CA6: variants seen among roughly 807,000 people sequenced by gnomAD.
The protein encoded by CA6 is carbonate dehydratase VI.
CA6 carries 28 observed loss-of-function variants against 35.9 expected under a neutral mutation model. The ratio of observed to expected loss-of-function variants is 0.78; its 90% CI spans 0.58 to 1.07. CA6 has a LOEUF of 1.07. Ranked by LOEUF, CA6 falls within the 50% of genes least tolerant of loss-of-function variation. The pLI, the probability that CA6 is intolerant of heterozygous loss-of-function variation, is 0.00. For missense variants in CA6, 377 were observed against 382.0 expected, an observed-to-expected ratio of 0.99 and a Z score of 0.11; for synonymous variants, 148 against 152.6, an observed-to-expected ratio of 0.97 and a Z score of 0.22.
At position 8,963,175 on chromosome 1, in the gene CA6, C is replaced by G. The variant is rs1287016330; in HGVS notation, c.571+519C>G. On this transcript the variant is annotated intron_variant, in intron 5 of 7. Coordinates refer to ENST00000377443, the MANE Select transcript of CA6 (RefSeq NM_001215.4). The surrounding 1 kb of genome is among the most constrained non-coding windows in gnomAD (Gnocchi z 4.1). Reference sequence around the variant, plus strand: ...TATAACCACAATAGCTCTGCATCCTCGACTTCACACGTCCCATTCCGGCCA... The same window carrying G: ...TATAACCACAATAGCTCTGCATCCTGGACTTCACACGTCCCATTCCGGCCA... 6.6e-6 allele frequency among the ~76,000 whole-genome samples: 1 copy of G among 152,176 alleles called. No homozygotes were observed. The highest frequency in any genetic ancestry group is 1.5e-5 in the Non-Finnish European group (1 of 68,034).
At chr1:8,967,565 GA>G in intron 5 of CA6, 93 bp from the exon 6 acceptor site, 5 of 957,504 alleles carry the variant, frequency 5.2e-6, no homozygotes, top group Non-Finnish European at 6.4e-6. Flanking sequence ...CTGAACTCAA[GA>G]GATTGGAACC....
chr1:8,951,705 G>T (rs1639541399), intron 2 of CA6: 1 of 761,036 alleles, frequency 1.3e-6, no homozygotes, highest in South Asian at 1.3e-5. Context: ...TTCCTTTAGG[G>T]CTCTGCTCAA....
chr1:8,973,772 CTTTCTTTCT>C (rs1640187608), intron 7 of CA6, among the ~76,000 whole-genome samples: 2 of 20,000 alleles, frequency 1.0e-4, no homozygotes, highest in Non-Finnish European at 1.6e-4. Flanking sequence ...TTCTTTCTTT[CTTTCTTTCT>C]TTCTTTTCCC....
In CA6 at chr1:8,959,931, C is replaced by CAAAAA. The variant is rs373250863; in HGVS notation, c.501+944_501+948dup. ...TGGGCAATAAAGCTAGATTCTATCTCAAAAAAAAAAAAAAAAAAAGCTGGG... is the reference window on the plus strand; with the variant it reads ...TGGGCAATAAAGCTAGATTCTATCTCAAAAAAAAAAAAAAAAAAAAAAAAGCTGGG... On this transcript the variant is annotated intron_variant, in intron 4 of 7. Coordinates refer to ENST00000377443, the MANE Select transcript of CA6 (RefSeq NM_001215.4). 4.1e-4 allele frequency among the ~76,000 whole-genome samples: 31 copies of CAAAAA among 75,174 alleles called. 1 individual carries two copies. Among genetic ancestry groups the CAAAAA allele is most frequent in the African/African-American group, 1.9e-3 (28 of 14,784 alleles). 49.3% of individuals were successfully genotyped at this position (75,174 alleles called of 152,430 possible). A position where few individuals can be genotyped will look rare whatever the true frequency, so the allele number is the denominator to read the frequency against.
intron 2 of CA6, chr1:8,952,546 AG>A (rs879508686): frequency 1.3e-5 from 2 of 152,208 alleles, no homozygotes; most frequent in Non-Finnish European, 2.9e-5. Flanking sequence ...ATTCTACTGA[AG>A]GGGGAAAAAA....
intron 3 of CA6, among the ~76,000 whole-genome samples, chr1:8,957,785 CAAAAAAAA>C (rs869085886): frequency 6.6e-4 from 52 of 79,304 alleles, no homozygotes; most frequent in Non-Finnish European, 8.5e-4. Context: ...CTTGTGTCTA[CAAAAAAAA>C]AAAAAAAAAA....
At chr1:8,946,886 C>T (rs1297478338) in intron 1 of CA6, among the ~76,000 whole-genome samples, 2 of 149,394 alleles carry the variant, frequency 1.3e-5, no homozygotes, top group African/African-American at 5.0e-5. Context: ...TTACTGCAAC[C>T]TCTGCCTCCT....
intron 2 of CA6, among the ~76,000 whole-genome samples, chr1:8,955,051 ATATATAT>A (rs1639638252): frequency 3.3e-5 from 2 of 61,482 alleles, no homozygotes; most frequent in Admixed American, 1.7e-4. Flanking sequence ...TGATCCATTA[ATATATAT>A]TGCCCAGGTG....
chr1:8,949,507 C>T (rs374455995), intron 2 of CA6, 65 bp downstream of exon 2: 22 of 1,359,506 alleles, frequency 1.6e-5, no homozygotes, highest in African/African-American at 2.9e-5. Flanking sequence ...GCAGGTTACA[C>T]GTGTCCCTGC....
At chr1:8,958,382 G>T (rs1639747137) in intron 3 of CA6, among the ~76,000 whole-genome samples, 1 of 152,024 alleles carries the variant, frequency 6.6e-6, no homozygotes, top group African/African-American at 2.4e-5. Flanking sequence ...TGGTCAGGCT[G>T]GTCTCAAACT....
chr1:8,961,282 T>C (rs1220461774), intron 4 of CA6, among the ~76,000 whole-genome samples: 3 of 152,214 alleles, frequency 2.0e-5, no homozygotes, highest in Non-Finnish European at 4.4e-5. Context: ...AAATGGAGAA[T>C]AGAAAAGACT....
At chr1:8,946,238 A>ATGT (rs2124213857) in intron 1 of CA6, among the ~76,000 whole-genome samples, 1 of 152,058 alleles carries the variant, frequency 6.6e-6, no homozygotes, top group African/African-American at 2.4e-5. Flanking sequence ...GGGTTTCACC[A>ATGT]TGTTGTCCAG....
chr1:8,958,404 G>A (rs1639747644), intron 3 of CA6, among the ~76,000 whole-genome samples: 1 of 152,158 alleles, frequency 6.6e-6, no homozygotes, highest in African/African-American at 2.4e-5. Context: ...CTGACCTCAA[G>A]TGATCCACCC....
At chr1:8,965,366 G>A (rs1303199592) in intron 5 of CA6, among the ~76,000 whole-genome samples, 1 of 151,920 alleles carries the variant, frequency 6.6e-6, no homozygotes, top group Non-Finnish European at 1.5e-5. Context: ...ACTTTTTTTC[G>A]TCTTCCTAAA....
intron 2 of CA6, among the ~76,000 whole-genome samples, chr1:8,953,498 A>G (rs1455271889): frequency 6.6e-6 from 1 of 152,168 alleles, no homozygotes; most frequent in Non-Finnish European, 1.5e-5. Context: ...TCAAACATAC[A>G]GTCCTGGCTA....
At position 8,952,851 on chromosome 1, in the gene CA6, G is replaced by A. The variant is rs1385337976; in HGVS notation, c.259+3409G>A. ...TTTGTATTTCTAGTACAGACAGGGT[G>A]TCACCATGTTGGCCAGGCTGGTCTC... On this transcript the variant is annotated intron_variant, in intron 2 of 7. Transcript: ENST00000377443. Among the ~76,000 whole-genome samples, 6 of 150,614 alleles carry A rather than the reference G, an allele frequency of 4.0e-5. No individual in the cohort carries two copies. In the East Asian group the frequency reaches 1.2e-3, roughly 30 times the overall value.
At chr1:8,949,212 C>A in intron 1 of CA6, 51 bp from the exon 2 acceptor site, 1 of 1,447,438 alleles carries the variant, frequency 6.9e-7, no homozygotes. Context: ...GAGGTTCCTC[C>A]AGAGTGGGCG....
intron 1 of CA6, among the ~76,000 whole-genome samples, chr1:8,948,692 G>A (rs947493363): frequency 3.3e-5 from 5 of 152,036 alleles, no homozygotes; most frequent in African/African-American, 4.8e-5. Flanking sequence ...CTCTCAGGCC[G>A]GGCACGGTGG....
chr1:8,959,117 G>C, intron 4 of CA6, 115 bp downstream of exon 4: 1 of 672,072 alleles, frequency 1.5e-6, no homozygotes, highest in South Asian at 1.8e-5. Context: ...CTTTTCCTGA[G>C]CTCACAGTTC....
Sources: allele counts gnomAD v4.1 joint callset (sites outside exome capture counted in the v4.1 genomes callset), GRCh38; gene constraint gnomAD v4.1.1; non-coding constraint Gnocchi (gnomAD v3.1); transcripts MANE v1.5; gene names NCBI Gene and HGNC (gene_info 2026-07-23, HGNC 2026-07-21).